Variants in RTF1 observed in about 807,000 individuals in gnomAD.
RTF1 encodes the protein RNA polymerase-associated protein RTF1 homolog.
A neutral mutation model predicts 95.7 loss-of-function variants in RTF1; 10 were observed. The ratio of observed to expected loss-of-function variants is 0.10; its 90% CI spans 0.06 to 0.18. The LOEUF is 0.18. RTF1 is among the 10% of genes least tolerant of loss of function. RTF1 has a pLI of 1.00. For synonymous variants in RTF1, 305 were observed against 311.8 expected (o/e 0.98, Z 0.23); for missense variants, 458 against 875.6 (o/e 0.52, Z 6.02).
intron 4 of RTF1, among the ~76,000 whole-genome samples, chr15:41,463,113 C>T (rs1177673408): frequency 6.6e-6 from 1 of 152,124 alleles, no homozygotes; most frequent in African/African-American, 2.4e-5. Flanking sequence ...ACTTCTTTCA[C>T]TTAGTATGTT....
chr15:41,467,960 T>C (rs2050888790), intron 6 of RTF1, among the ~76,000 whole-genome samples: 1 of 150,888 alleles, frequency 6.6e-6, no homozygotes, highest in East Asian at 2.0e-4. Flanking sequence ...AGGTCTGGAG[T>C]TGGAGACCAG....
intron 9 of RTF1, 21 bp from the exon 10 acceptor site, chr15:41,475,504 T>C: frequency 6.2e-7 from 1 of 1,604,528 alleles, no homozygotes; most frequent in Non-Finnish European, 8.5e-7. Context: ...TTCTTGGAGA[T>C]GCTGTCTCTC....
chr15:41,468,544 C>T (rs1225349640), intron 6 of RTF1, among the ~76,000 whole-genome samples: 3 of 152,112 alleles, frequency 2.0e-5, no homozygotes, highest in Non-Finnish European at 4.4e-5. Context: ...GTCTTGATCT[C>T]CTGACCTTGT....
intron 1 of RTF1, among the ~76,000 whole-genome samples, chr15:41,419,094 A>G (rs569672011): frequency 1.4e-4 from 22 of 152,320 alleles, no homozygotes; most frequent in African/African-American, 4.8e-4. Context: ...GGAATTGAAA[A>G]TGTTCTCATT....
intron 1 of RTF1, among the ~76,000 whole-genome samples, chr15:41,419,770 G>A (rs1466212298): frequency 6.6e-6 from 1 of 152,184 alleles, no homozygotes; most frequent in African/African-American, 2.4e-5. Flanking sequence ...TATTTCACCT[G>A]ATCCACAAAA....
chr15:41,473,442 GTT>G (rs756423671), intron 8 of RTF1, among the ~76,000 whole-genome samples: 19 of 138,542 alleles, frequency 1.4e-4, no homozygotes, highest in African/African-American at 3.4e-4. Context: ...CAGGTGTTGG[GTT>G]TTTTTTTTTT....
Position 41,480,684 on chromosome 15 carries a change from T to G in RTF1, c.2130T>G (p.Ile710Met). The change falls in exon 18 of 18, where the codon ATT becomes ATG. Residue 710 changes from isoleucine (I) to methionine (M), a missense_variant. Transcript: ENST00000389629. Reference sequence around the variant, plus strand: ...ACTACAAAAAACGACGAGGGCTTATTTGAGCACACCCAGCCTGCTGCTTCT... The same window carrying G: ...ACTACAAAAAACGACGAGGGCTTATGTGAGCACACCCAGCCTGCTGCTTCT... ...LEDYKKRRGL[I>M] The G allele has an allele frequency of 6.2e-7, 1 of 1,609,860 alleles. No individual in the cohort carries two copies.
Position 41,478,532 on chromosome 15 carries a change from A to C in RTF1, c.1741-16A>C. ...GGCTGGAGGTGCAGTTCTGTGGTGC[A>C]TGCTTTCTGTTTCAGGCTGAAAGTC... On this transcript the variant is annotated splice_polypyrimidine_tract_variant and intron_variant, in intron 14 of 17. Coordinates refer to ENST00000389629, the MANE Select transcript of RTF1 (RefSeq NM_015138.5). 6.2e-7 allele frequency: 1 copy of C among 1,611,478 alleles called. No individual in the cohort carries two copies. Among genetic ancestry groups the C allele is most frequent in the Non-Finnish European group, 8.5e-7 (1 of 1,178,420 alleles).
Position 41,479,951 on chromosome 15 carries a change from G to A in RTF1, c.1915-263G>A, listed in dbSNP as rs1722719951. ...TGGTCTCAGGATTTCTGAAATCTTA[G>A]GTCAGGAAGTGACCCGTTGCTTAAG... On this transcript the variant is annotated intron_variant, in intron 16 of 17. Transcript: ENST00000389629. Among the ~76,000 whole-genome samples the A allele has an allele frequency of 2.6e-5, 4 of 151,692 alleles. No individual in the cohort carries two copies. The South Asian group carries it at 8.3e-4, about 31-fold the overall frequency.
In RTF1 at chr15:41,480,301, A is replaced by G; in HGVS notation, c.2002A>G (p.Ile668Val). 6.2e-7 allele frequency: 1 copy of G among 1,612,204 alleles called. No individual in the cohort carries two copies. Among genetic ancestry groups the G allele is most frequent in the Non-Finnish European group, 8.5e-7 (1 of 1,178,216 alleles). The change falls in exon 17 of 18, where the codon ATT becomes GTT. Residue 668 changes from isoleucine (I) to valine (V), a missense_variant. By Grantham distance (29) the Ile-to-Val change is conservative (BLOSUM62 3). Coordinates refer to ENST00000389629, the MANE Select transcript of RTF1 (RefSeq NM_015138.5). The part of the protein sequence containing the change: ...LFKVHDFDVK[I>V]DLQVPSSESK... ...CAAAGTACACGATTTTGATGTGAAG[A>G]TTGACTTACAAGTTCCCAGCTCAGG...
rs375021508 is a variant in RTF1, at chr15:41,460,888, T to C, written c.662+3012T>C. Among the ~76,000 whole-genome samples the C allele has an allele frequency of 4.3e-4, 64 of 150,264 alleles. 1 individual carries two copies. The East Asian group carries it at 6.8e-3, about 16-fold the overall frequency. On this transcript the variant is annotated intron_variant, in intron 4 of 17. Transcript: ENST00000389629. The stretch of plus-strand genomic sequence containing the variant: ...ATTTTTTCTTTTTTTTCTTTTTTTT[T>C]TTTTTTGAGATGGAGTCTCACTCTG...
intron 2 of RTF1, among the ~76,000 whole-genome samples, chr15:41,442,174 T>A (rs1301517197): frequency 6.6e-6 from 1 of 151,468 alleles, no homozygotes; most frequent in Admixed American, 6.6e-5. Flanking sequence ...ATAATGATTT[T>A]TTTTTTTTTT....
At chr15:41,453,940 C>T (rs1205996764) in intron 3 of RTF1, among the ~76,000 whole-genome samples, 1 of 152,074 alleles carries the variant, frequency 6.6e-6, no homozygotes, top group Admixed American at 6.6e-5. Context: ...CAAATTGAGT[C>T]AAGGGCAGTT....
chr15:41,454,589 A>G (rs1298917201), intron 3 of RTF1, among the ~76,000 whole-genome samples: 1 of 152,182 alleles, frequency 6.6e-6, no homozygotes, highest in Non-Finnish European at 1.5e-5. Context: ...ACTATTACAC[A>G]AAGAGGAAAA....
At chr15:41,454,177 A>G (rs2050801641) in intron 3 of RTF1, among the ~76,000 whole-genome samples, 1 of 151,966 alleles carries the variant, frequency 6.6e-6, no homozygotes, top group Non-Finnish European at 1.5e-5. Context: ...GCTCACTGCA[A>G]CCTCTGTGTC....
intron 1 of RTF1, among the ~76,000 whole-genome samples, chr15:41,419,544 A>G (rs116997239): frequency 6.6e-6 from 1 of 152,154 alleles, no homozygotes; most frequent in African/African-American, 2.4e-5. Flanking sequence ...GTCATTTTTC[A>G]TGGTGCTAGA....
intron 4 of RTF1, among the ~76,000 whole-genome samples, chr15:41,463,956 A>G (rs913223442): frequency 1.1e-4 from 16 of 149,812 alleles, no homozygotes; most frequent in African/African-American, 3.9e-4. Flanking sequence ...GGTTCAAGCA[A>G]TTCTTCTGCC....
chr15:41,477,568 C>T, intron 14 of RTF1, 53 bp downstream of exon 14: 1 of 1,512,340 alleles, frequency 6.6e-7, no homozygotes, highest in Non-Finnish European at 9.2e-7. Flanking sequence ...TAAACCATGA[C>T]ATCTTTTCTA....
chr15:41,476,751 C>T (rs1411917559), intron 12 of RTF1, among the ~76,000 whole-genome samples: 1 of 152,238 alleles, frequency 6.6e-6, no homozygotes, highest in East Asian at 1.9e-4. Flanking sequence ...ACTTTCTAGT[C>T]ACTTCAGTTT....
Sources: gnomAD v4.1 joint callset for allele counts (sites outside exome capture counted in the v4.1 genomes callset) on GRCh38, gnomAD v4.1.1 for gene constraint, MANE v1.5 for transcripts, NCBI Gene and HGNC (gene_info 2026-07-23, HGNC 2026-07-21) for gene names.